Variants in ZNF385D observed in about 807,000 individuals in gnomAD.
The protein encoded by ZNF385D is zinc finger protein 385D, also known as zinc finger protein 659.
A neutral mutation model predicts 35.8 loss-of-function variants in ZNF385D; 15 were observed. The observed-to-expected ratio is 0.42, with a 90% CI of 0.28 to 0.64. The LOEUF (loss-of-function observed/expected upper bound fraction) is 0.64. Ranked by LOEUF, ZNF385D falls within the 30% of genes least tolerant of loss-of-function variation. The probability of loss-of-function intolerance (pLI) is 0.23; values close to 1 mark genes in which losing one functional copy is unlikely to be tolerated. For synonymous variants in ZNF385D, 212 were observed against 186.8 expected, an observed-to-expected ratio of 1.13 and a Z score of -1.10; for missense variants, 474 against 494.6, an observed-to-expected ratio of 0.96 and a Z score of 0.39.
chr3:21,971,090 A>G (rs1004429332), intron 3 of ZNF385D, among the ~76,000 whole-genome samples: 1 of 152,116 alleles, frequency 6.6e-6, no homozygotes, highest in African/African-American at 2.4e-5. Context: ...TTTGAAAGAA[A>G]AAGACATTAA....
chr3:22,337,072 A>ATAAAAATTATAT (rs1208040991), intron 2 of ZNF385D, among the ~76,000 whole-genome samples: 2 of 152,024 alleles, frequency 1.3e-5, no homozygotes, highest in African/African-American at 2.4e-5. Flanking sequence ...TAGAAAGTCA[A>ATAAAAATTATAT]TAAAAATTAT....
intron 3 of ZNF385D, among the ~76,000 whole-genome samples, chr3:22,016,982 A>G (rs1242373948): frequency 1.3e-5 from 2 of 151,856 alleles, no homozygotes; most frequent in Admixed American, 1.3e-4. Flanking sequence ...TTTCTCATTT[A>G]ATTTAAAATG....
chr3:22,100,901 G>C (rs73043519), intron 3 of ZNF385D, among the ~76,000 whole-genome samples: 2 of 151,624 alleles, frequency 1.3e-5, no homozygotes, highest in Non-Finnish European at 2.9e-5. Flanking sequence ...AAGACTTCCA[G>C]GGTTGTGCTA....
At chr3:21,981,146 G>C (rs891921980) in intron 3 of ZNF385D, among the ~76,000 whole-genome samples, 1 of 152,114 alleles carries the variant, frequency 6.6e-6, no homozygotes, top group Admixed American at 6.6e-5. Context: ...TCACTATGCT[G>C]CTTTCCACAA....
intron 3 of ZNF385D, among the ~76,000 whole-genome samples, chr3:21,974,097 G>A (rs763650580): frequency 2.0e-5 from 3 of 151,780 alleles, no homozygotes; most frequent in Non-Finnish European, 4.4e-5. Flanking sequence ...AACCACAAAA[G>A]TCCCAGAATA....
chr3:22,302,079 T>C (rs1702932487), intron 2 of ZNF385D, among the ~76,000 whole-genome samples: 2 of 152,190 alleles, frequency 1.3e-5, no homozygotes, highest in Middle Eastern at 3.4e-3. Flanking sequence ...AAATTTCTTG[T>C]GCTTGTCTCC....
chr3:21,616,131 T>G (rs1187093312), intron 2 of ZNF385D, among the ~76,000 whole-genome samples: 1 of 151,870 alleles, frequency 6.6e-6, no homozygotes, highest in African/African-American at 2.4e-5. Flanking sequence ...ATTAAAAGAA[T>G]GAACAAAATA....
rs1037374660 is a variant in ZNF385D, at chr3:22,360,154, C to G, written c.106+12296G>C. On this transcript the variant is annotated intron_variant, in intron 2 of 5. Transcript: ENST00000494108. The stretch of plus-strand genomic sequence containing the variant: ...ACAGTTTAATTCTTACAACTTGTCT[C>G]ATTTTCTGAAAAATTTTAGGAACTA... Among the ~76,000 whole-genome samples the G allele has an allele frequency of 3.9e-5, 6 of 152,108 alleles. No individual in the cohort carries two copies. The South Asian group carries it at 1.2e-3, about 31-fold the overall frequency.
At chr3:21,593,831 A>G (rs1379151870) in intron 2 of ZNF385D, among the ~76,000 whole-genome samples, 2 of 130,530 alleles carry the variant, frequency 1.5e-5, no homozygotes, top group East Asian at 2.0e-4. Flanking sequence ...ATAAGAAAAA[A>G]GAGGTTCTTG....
At chr3:21,810,992 G>GTATATATA (rs779407118) in intron 3 of ZNF385D, among the ~76,000 whole-genome samples, 4,134 of 114,268 alleles carry the variant, frequency 0.036, 77 homozygotes, top group South Asian at 0.048. Flanking sequence ...GTGTGTGTGT[G>GTATATATA]TGTGTGTATA....
chr3:22,220,028 G>C (rs920026757), intron 2 of ZNF385D, among the ~76,000 whole-genome samples: 1 of 150,588 alleles, frequency 6.6e-6, no homozygotes, highest in Non-Finnish European at 1.5e-5. Context: ...TTCTCATCTG[G>C]AAAGTTATGA....
intron 3 of ZNF385D, among the ~76,000 whole-genome samples, chr3:21,815,216 C>T (rs1033161189): frequency 6.6e-6 from 1 of 152,044 alleles, no homozygotes. Context: ...CACTAAAATG[C>T]CCACAAGAGA....
At position 21,791,902 on chromosome 3, in the gene ZNF385D, T is replaced by G. The variant is rs558501423; in HGVS notation, c.326-126874A>C. On this transcript the variant is annotated intron_variant, in intron 3 of 5. Coordinates refer to the ZNF385D transcript ENST00000494108. ...GGCACGTGCCACCACGCCCAGCTAA[T>G]TTTTGTTTATTTAGTAGAGACGGGG... is the stretch of plus-strand genomic sequence containing the variant. Among the ~76,000 whole-genome samples, 3 of 152,212 alleles carry G rather than the reference T, an allele frequency of 2.0e-5. No homozygotes were observed. In the South Asian group the frequency reaches 6.2e-4, roughly 32 times the overall value.
intron 3 of ZNF385D, among the ~76,000 whole-genome samples, chr3:22,071,409 A>C (rs917458438): frequency 6.6e-6 from 1 of 152,152 alleles, no homozygotes; most frequent in Admixed American, 6.6e-5. Context: ...AGAAAATATT[A>C]TCCAGCTTCA....
intron 2 of ZNF385D, among the ~76,000 whole-genome samples, chr3:22,267,343 A>T (rs1320748322): frequency 6.6e-6 from 1 of 151,912 alleles, no homozygotes; most frequent in Non-Finnish European, 1.5e-5. Flanking sequence ...CTTAGTTTCT[A>T]CTTTCTAACC....
intron 4 of ZNF385D, among the ~76,000 whole-genome samples, chr3:21,483,487 G>C (rs1432564571): frequency 6.6e-6 from 1 of 152,130 alleles, no homozygotes; most frequent in Non-Finnish European, 1.5e-5. Flanking sequence ...CATATGGCAA[G>C]TATATGTTTA....
chr3:21,864,835 T>C (rs1697249132), intron 3 of ZNF385D, among the ~76,000 whole-genome samples: 1 of 152,026 alleles, frequency 6.6e-6, no homozygotes, highest in Admixed American at 6.6e-5. Context: ...AATATCATTC[T>C]TTATTATTCC....
At chr3:21,943,751 G>C (rs1701647426) in intron 3 of ZNF385D, among the ~76,000 whole-genome samples, 1 of 152,112 alleles carries the variant, frequency 6.6e-6, no homozygotes. Flanking sequence ...TGCTAGCAAA[G>C]AAGGAAATAA....
At chr3:21,780,147 G>C (rs1559615214) in intron 3 of ZNF385D, among the ~76,000 whole-genome samples, 1 of 151,984 alleles carries the variant, frequency 6.6e-6, no homozygotes, top group Non-Finnish European at 1.5e-5. Context: ...AACAATAATA[G>C]TAGGAATATC....
Sources: allele counts gnomAD v4.1 joint callset (sites outside exome capture counted in the v4.1 genomes callset), GRCh38; gene constraint gnomAD v4.1.1; transcripts MANE v1.5; gene names NCBI Gene and HGNC (gene_info 2026-07-23, HGNC 2026-07-21).